Variants in NBEA observed in about 807,000 individuals in gnomAD.
NBEA encodes the protein neurobeachin.
In NBEA, 44 loss-of-function variants were observed where a neutral mutation model predicts 343.4. The observed-to-expected ratio is 0.13, with a 90% CI of 0.10 to 0.16. NBEA has a LOEUF of 0.16. Ranked by LOEUF, NBEA falls within the 10% of genes least tolerant of loss-of-function variation. NBEA has a pLI of 1.00. For synonymous variants in NBEA, 1,175 were observed against 1,238.7 expected (o/e 0.95, Z 1.08); for missense variants, 2,555 against 3,631.3 (o/e 0.70, Z 7.62).
At chr13:35,585,266 A>G (rs561508108) in intron 46 of NBEA, among the ~76,000 whole-genome samples, 17 of 151,762 alleles carry the variant, frequency 1.1e-4, no homozygotes, top group African/African-American at 4.1e-4. Flanking sequence ...CCTCTACTTT[A>G]TCACCTCCCA....
At chr13:35,420,643 G>A (rs1866226000) in intron 38 of NBEA, among the ~76,000 whole-genome samples, 2 of 151,948 alleles carry the variant, frequency 1.3e-5, no homozygotes, top group Admixed American at 1.3e-4. Context: ...TCTAGGCCTG[G>A]AGATTTGGGG....
At chr13:35,028,447 CAT>C (rs1448809100) in intron 1 of NBEA, among the ~76,000 whole-genome samples, 1 of 151,812 alleles carries the variant, frequency 6.6e-6, no homozygotes, top group Non-Finnish European at 1.5e-5. Context: ...TCTGTTTCCA[CAT>C]GTTCCCTGAT....
intron 8 of NBEA, among the ~76,000 whole-genome samples, chr13:35,068,637 T>C (rs1262024967): frequency 6.6e-6 from 1 of 152,200 alleles, no homozygotes; most frequent in Non-Finnish European, 1.5e-5. Context: ...TTCATGTTGC[T>C]CTTGTCTTGG....
intron 35 of NBEA, among the ~76,000 whole-genome samples, chr13:35,293,745 C>G (rs2035943559): frequency 6.6e-6 from 1 of 151,808 alleles, no homozygotes; most frequent in African/African-American, 2.4e-5. Flanking sequence ...TATAATAGTT[C>G]CTAATTACTT....
chr13:35,401,086 C>T (rs1272976147), intron 38 of NBEA, among the ~76,000 whole-genome samples: 1 of 151,938 alleles, frequency 6.6e-6, no homozygotes, highest in Non-Finnish European at 1.5e-5. Flanking sequence ...AATTATTTAT[C>T]TATTTGTTCT....
chr13:35,337,805 A>G (rs1349950533), intron 36 of NBEA, among the ~76,000 whole-genome samples: 1 of 152,106 alleles, frequency 6.6e-6, no homozygotes, highest in African/African-American at 2.4e-5. Context: ...GGAATTTGAA[A>G]TCAGTAAGAG....
chr13:35,584,822 G>T (rs1382869257), intron 46 of NBEA, among the ~76,000 whole-genome samples: 1 of 151,542 alleles, frequency 6.6e-6, no homozygotes, highest in Non-Finnish European at 1.5e-5. Flanking sequence ...TTAAACATGG[G>T]ATCTCACTTT....
At chr13:35,344,635 AC>A in intron 36 of NBEA, among the ~76,000 whole-genome samples, 1 of 152,102 alleles carries the variant, frequency 6.6e-6, no homozygotes, top group African/African-American at 2.4e-5. Context: ...AAAGCATTAT[AC>A]CATTAAAATT....
At chr13:35,530,207 G>A (rs2078188997) in intron 41 of NBEA, among the ~76,000 whole-genome samples, 1 of 152,296 alleles carries the variant, frequency 6.6e-6, no homozygotes, top group South Asian at 2.1e-4. Context: ...GAAACAAAAA[G>A]CATTGTTTCC....
At chr13:35,612,695 T>G (rs1031942452) in intron 48 of NBEA, among the ~76,000 whole-genome samples, 8 of 152,166 alleles carry the variant, frequency 5.3e-5, no homozygotes, top group African/African-American at 1.4e-4. Flanking sequence ...CCCAAATTTT[T>G]TGAATGTAGG....
At chr13:35,088,295 A>C (rs1426016001) in intron 10 of NBEA, among the ~76,000 whole-genome samples, 2 of 151,924 alleles carry the variant, frequency 1.3e-5, no homozygotes, top group Non-Finnish European at 2.9e-5. Context: ...GGTTTAATAT[A>C]ATTAGGAAAA....
At chr13:35,195,462 GAT>G (rs1461801017) in intron 30 of NBEA, among the ~76,000 whole-genome samples, 7 of 151,840 alleles carry the variant, frequency 4.6e-5, no homozygotes. Flanking sequence ...GCAGTGGCAT[GAT>G]TTCAGTTCAC....
At chr13:35,517,035 A>C (rs894808792) in intron 41 of NBEA, among the ~76,000 whole-genome samples, 5 of 152,240 alleles carry the variant, frequency 3.3e-5, no homozygotes, top group East Asian at 3.9e-4. Flanking sequence ...TAACATATAC[A>C]GTCAAAATTA....
At chr13:35,151,489 G>A (rs1157414334) in intron 18 of NBEA, among the ~76,000 whole-genome samples, 1 of 148,716 alleles carries the variant, frequency 6.7e-6, no homozygotes, top group Non-Finnish European at 1.5e-5. Flanking sequence ...GTTGCGGTGA[G>A]CCGAGATTAT....
At chr13:34,989,750 A>G (rs1313647664) in intron 1 of NBEA, among the ~76,000 whole-genome samples, 2 of 150,822 alleles carry the variant, frequency 1.3e-5, no homozygotes, top group Non-Finnish European at 3.0e-5. Context: ...AACTCATTCT[A>G]GCATTAACTC....
At chr13:35,183,281 T>C (rs967146136) in intron 29 of NBEA, among the ~76,000 whole-genome samples, 1 of 152,028 alleles carries the variant, frequency 6.6e-6, no homozygotes, top group African/African-American at 2.4e-5. Context: ...CTCTATTGTT[T>C]GCAGTGAAAC....
At chr13:35,519,445 A>G (rs1035866270) in intron 41 of NBEA, among the ~76,000 whole-genome samples, 10 of 152,164 alleles carry the variant, frequency 6.6e-5, no homozygotes, top group African/African-American at 2.2e-4. Context: ...TCATGGTGAC[A>G]TACCCAAATG....
chr13:35,300,954 A>G (rs951900424), intron 35 of NBEA, among the ~76,000 whole-genome samples: 2 of 149,940 alleles, frequency 1.3e-5, no homozygotes, highest in Middle Eastern at 6.9e-3. Flanking sequence ...TAAATATGGT[A>G]AAAAAAAAAT....
chr13:35,298,531 A>G (rs1424319138), intron 35 of NBEA, among the ~76,000 whole-genome samples: 1 of 151,872 alleles, frequency 6.6e-6, no homozygotes, highest in Non-Finnish European at 1.5e-5. Context: ...AATGTGAGAA[A>G]CTTTTTAACA....
Sources: gnomAD v4.1 joint callset for allele counts (sites outside exome capture counted in the v4.1 genomes callset) on GRCh38, gnomAD v4.1.1 for gene constraint, MANE v1.5 for transcripts, NCBI Gene and HGNC (gene_info 2026-07-23, HGNC 2026-07-21) for gene names.